The following TFDP2 variants were observed in gnomAD, a reference collection of about 807,000 sequenced individuals.
TFDP2 encodes the protein transcription factor Dp-2.
In TFDP2, 17 loss-of-function variants were observed where a neutral mutation model predicts 59.3. That is an observed-to-expected ratio of 0.29 (90% CI 0.20 to 0.43). The LOEUF (loss-of-function observed/expected upper bound fraction) is 0.43, where lower values mean the gene tolerates loss of function less well. Among genes scored for constraint, TFDP2 ranks in the 20% least tolerant of loss-of-function variants. The pLI, the probability that TFDP2 is intolerant of heterozygous loss-of-function variation, is 1.00. For synonymous variants in TFDP2, 180 were observed against 194.7 expected (o/e 0.92, Z 0.63); for missense variants, 391 against 528.8 (o/e 0.74, Z 2.56).
intron 3 of TFDP2, among the ~76,000 whole-genome samples, chr3:142,010,384 G>A (rs1157301416): frequency 6.6e-6 from 1 of 152,284 alleles, no homozygotes; most frequent in East Asian, 1.9e-4. Flanking sequence ...GCCAAGGTGG[G>A]TGGATCACGA....
intron 6 of TFDP2, among the ~76,000 whole-genome samples, chr3:141,988,372 T>C (rs1380867099): frequency 6.6e-6 from 1 of 152,160 alleles, no homozygotes; most frequent in Non-Finnish European, 1.5e-5. Context: ...GATCATAACA[T>C]TTTTCTCCTT....
intron 3 of TFDP2, among the ~76,000 whole-genome samples, chr3:142,056,293 G>A (rs1460453057): frequency 7.3e-6 from 1 of 137,412 alleles, no homozygotes; most frequent in Admixed American, 7.8e-5. Context: ...CTTGGCACTG[G>A]GGATATAACA....
chr3:142,055,886 A>G (rs981032572), intron 3 of TFDP2, among the ~76,000 whole-genome samples: 1 of 151,104 alleles, frequency 6.6e-6, no homozygotes, highest in Non-Finnish European at 1.5e-5. Context: ...AGTGCATGCA[A>G]TTATAAGACC....
At chr3:141,985,519 CAAAAAAAAAAAA>C (rs61684289) in intron 6 of TFDP2, among the ~76,000 whole-genome samples, 3 of 74,428 alleles carry the variant, frequency 4.0e-5, no homozygotes, top group African/African-American at 1.1e-4. Flanking sequence ...GACGCTGTCT[CAAAAAAAAAAAA>C]AAAAAAAAAA....
chr3:142,139,060 G>A (rs1212829890), intron 1 of TFDP2, among the ~76,000 whole-genome samples: 1 of 152,208 alleles, frequency 6.6e-6, no homozygotes, highest in Non-Finnish European at 1.5e-5. Context: ...TATATTGGGT[G>A]CATATACATT....
intron 4 of TFDP2, among the ~76,000 whole-genome samples, chr3:141,999,668 T>C (rs889541932): frequency 7.2e-5 from 11 of 152,108 alleles, no homozygotes; most frequent in African/African-American, 2.7e-4. Context: ...AAAAGACATG[T>C]AAAGTTCAAA....
At position 142,133,699 on chromosome 3, in the gene TFDP2, T is replaced by C. The variant is rs549977342; in HGVS notation, c.-93+15484A>G. On this transcript the variant is annotated intron_variant, in intron 1 of 12. Transcript: ENST00000489671. ...TTTTCAGTAGAGACAGATTTTGCTA[T>C]GTTGGCCAGTCTGGTCTCAAACTCC... Among the ~76,000 whole-genome samples the C allele has an allele frequency of 3.3e-5, 5 of 151,990 alleles. No individual in the cohort carries two copies. In the South Asian group the frequency reaches 1.0e-3, roughly 32 times the overall value.
At chr3:142,019,029 GC>G (rs1420080140) in intron 3 of TFDP2, among the ~76,000 whole-genome samples, 2 of 137,070 alleles carry the variant, frequency 1.5e-5, no homozygotes, top group African/African-American at 5.4e-5. Flanking sequence ...AACAGTGTTT[GC>G]TTTTATATAT....
At chr3:142,058,098 C>G (rs2059799831) in intron 3 of TFDP2, among the ~76,000 whole-genome samples, 1 of 152,186 alleles carries the variant, frequency 6.6e-6, no homozygotes, top group South Asian at 2.1e-4. Context: ...TACATCTCCA[C>G]TGATTTATAC....
chr3:142,077,326 C>A (rs964564729), intron 3 of TFDP2, among the ~76,000 whole-genome samples: 3 of 152,146 alleles, frequency 2.0e-5, no homozygotes, highest in Admixed American at 6.5e-5. Context: ...CGGGGGCACA[C>A]AACCTAGTGA....
At chr3:142,026,087 G>A (rs1030503544) in intron 3 of TFDP2, among the ~76,000 whole-genome samples, 4 of 152,296 alleles carry the variant, frequency 2.6e-5, no homozygotes, top group Middle Eastern at 3.4e-3. Context: ...CGAGGTAGGC[G>A]GATCTCAAGG....
intron 4 of TFDP2, 80 bp downstream of exon 4, chr3:142,005,361 A>C: frequency 2.5e-6 from 3 of 1,198,566 alleles, no homozygotes; most frequent in Non-Finnish European, 3.6e-6. Context: ...ATATCTGATC[A>C]AATATATTTA....
intron 2 of TFDP2, among the ~76,000 whole-genome samples, chr3:142,100,295 C>T (rs917507771): frequency 3.9e-5 from 6 of 152,242 alleles, no homozygotes; most frequent in African/African-American, 1.4e-4. Context: ...TAGTCAACAT[C>T]AGACTTTAAC....
chr3:142,105,999 C>T (rs1445403747), intron 1 of TFDP2, among the ~76,000 whole-genome samples: 5 of 151,914 alleles, frequency 3.3e-5, no homozygotes, highest in African/African-American at 1.2e-4. Context: ...TTTCTCATGA[C>T]AAATTAAGGC....
intron 3 of TFDP2, among the ~76,000 whole-genome samples, chr3:142,014,753 T>C (rs1408580344): frequency 6.6e-6 from 1 of 152,124 alleles, no homozygotes; most frequent in Non-Finnish European, 1.5e-5. Context: ...ATCACAATCT[T>C]TCCCTCTCTG....
Position 142,116,214 on chromosome 3 carries a change from C to T in TFDP2, c.-92-14373G>A, listed in dbSNP as rs116591820. On this transcript the variant is annotated intron_variant, in intron 1 of 12. Coordinates refer to ENST00000489671, the MANE Select transcript of TFDP2 (RefSeq NM_001178139.2). ...AAGTAGCTGGGTATACAGGCATATA[C>T]CCTAACACTGGGCTAATTTTTAAAA... 2.3e-3 allele frequency among the ~76,000 whole-genome samples: 344 copies of T among 152,156 alleles called. 4 individuals are homozygous for T. Among genetic ancestry groups the T allele is most frequent in the African/African-American group, 7.8e-3 (322 of 41,510 alleles).
At chr3:142,040,910 A>G (rs1371121116) in intron 3 of TFDP2, among the ~76,000 whole-genome samples, 1 of 152,146 alleles carries the variant, frequency 6.6e-6, no homozygotes, top group Non-Finnish European at 1.5e-5. Flanking sequence ...TAAAAAAAAA[A>G]GATAATCAAG....
intron 3 of TFDP2, among the ~76,000 whole-genome samples, chr3:142,012,015 CTT>C (rs1248723479): frequency 1.1e-4 from 15 of 138,168 alleles, no homozygotes; most frequent in South Asian, 2.3e-4. Flanking sequence ...TTCTTTCTTT[CTT>C]TTTTTTTTTT....
chr3:142,069,849 T>TC lies in TFDP2; in HGVS notation c.82+23211dup, dbSNP rs533862296. On this transcript the variant is annotated intron_variant, in intron 3 of 12. Coordinates refer to ENST00000489671, the MANE Select transcript of TFDP2 (RefSeq NM_001178139.2). ...GTCTTGAACTCCTTACCTCAGGTGA[T>TC]CCGCCCACCTCAGCCTCTCAAAGTT... 1.1e-4 allele frequency among the ~76,000 whole-genome samples: 16 copies of TC among 152,060 alleles called. 1 individual carries two copies. The East Asian group carries it at 2.1e-3, about 20-fold the overall frequency.
Sources: allele counts gnomAD v4.1 joint callset (sites outside exome capture counted in the v4.1 genomes callset), GRCh38; gene constraint gnomAD v4.1.1; transcripts MANE v1.5; gene names NCBI Gene and HGNC (gene_info 2026-07-23, HGNC 2026-07-21).